Variants in ARNT2 observed in about 807,000 individuals in gnomAD.
ARNT2 encodes ARNT protein 2.
In ARNT2, 36 loss-of-function variants were observed where a neutral mutation model predicts 91.7. The ratio of observed to expected loss-of-function variants is 0.39; its 90% confidence interval spans 0.30 to 0.52. ARNT2 has a LOEUF of 0.52. Among genes scored for constraint, ARNT2 ranks in the 20% least tolerant of loss-of-function variants. The probability of loss-of-function intolerance (pLI) is 0.72; values close to 1 mark genes in which losing one functional copy is unlikely to be tolerated. For missense variants in ARNT2, 775 were observed against 939.3 expected, an observed-to-expected ratio of 0.83 and a Z score of 2.29; for synonymous variants, 365 against 347.1, an observed-to-expected ratio of 1.05 and a Z score of -0.57.
intron 7 of ARNT2, 39 bp from the exon 8 acceptor site, chr15:80,514,281 T>C (rs1469143688): frequency 1.1e-5 from 17 of 1,602,734 alleles, no homozygotes; most frequent in Non-Finnish European, 1.2e-5. Flanking sequence ...TGCCTCACCC[T>C]CATGTGATGA....
At chr15:80,503,782 A>G (rs1210359853) in intron 5 of ARNT2, among the ~76,000 whole-genome samples, 55 of 152,242 alleles carry the variant, frequency 3.6e-4, no homozygotes, top group Non-Finnish European at 4.4e-5. Context: ...CAGCACACTG[A>G]GTCAAACCAT....
intron 2 of ARNT2, among the ~76,000 whole-genome samples, chr15:80,455,766 G>A (rs543720578): frequency 2.6e-4 from 40 of 152,246 alleles, no homozygotes; most frequent in African/African-American, 9.1e-4. Flanking sequence ...TTTTGCAGGA[G>A]TACTGACAAT....
intron 1 of ARNT2, among the ~76,000 whole-genome samples, chr15:80,416,630 G>T (rs111252343): frequency 1.0e-3 from 90 of 86,788 alleles, no homozygotes; most frequent in East Asian, 2.5e-3. Flanking sequence ...AGTTTTTTTT[G>T]TTTGTTTGTT....
chr15:80,499,880 G>C (rs1897167978), intron 5 of ARNT2, among the ~76,000 whole-genome samples: 1 of 152,162 alleles, frequency 6.6e-6, no homozygotes, highest in Non-Finnish European at 1.5e-5. Flanking sequence ...AAAGCATTGT[G>C]GTAGAGGAGG....
intron 8 of ARNT2, among the ~76,000 whole-genome samples, chr15:80,534,835 A>AT (rs1490818788): frequency 2.6e-4 from 40 of 152,288 alleles, no homozygotes; most frequent in Non-Finnish European, 5.0e-4. Context: ...GGAATGATAC[A>AT]TTTAAGTTTT....
chr15:80,432,285 C>G (rs954309193), intron 1 of ARNT2, among the ~76,000 whole-genome samples: 3 of 152,208 alleles, frequency 2.0e-5, no homozygotes, highest in East Asian at 3.9e-4. Flanking sequence ...TTTCTCGCCT[C>G]TTCTTGAATT....
At position 80,576,785 on chromosome 15, in the gene ARNT2, G is replaced by A. The variant is rs528573857; in HGVS notation, c.1514-81G>A. The A allele has an allele frequency of 3.0e-4, 444 of 1,468,692 alleles. 2 individuals are homozygous for A. In the African/African-American group the frequency reaches 5.4e-3, roughly 18 times the overall value. 91.0% of individuals were successfully genotyped at this position (1,468,692 alleles called of 1,614,324 possible). A position where few individuals can be genotyped will look rare whatever the true frequency, so the allele number is the denominator to read the frequency against. On this transcript the variant is annotated intron_variant, in intron 14 of 18. Transcript: ENST00000303329. ...TCCTCCCGTTCCCACGCCCACCCCT[G>A]CACCTCTTCTTGGGGCAGCCTCCTC...
Position 80,581,292 on chromosome 15 carries a change from G to C in ARNT2, c.1806G>C (p.Thr602=), listed in dbSNP as rs139431567. Residue 602 remains threonine (T), a synonymous_variant, in exon 17 of 19, where the codon ACG becomes ACC. Transcript: ENST00000303329. ...AGTCATCTCCCTTTGGGATTGGAAC[G>C]AGCCACACCTACCCGGCAGACCCCT... ...KTQSSPFGIG[T]SHTYPADPSS... 3.0e-5 allele frequency: 48 copies of C among 1,614,030 alleles called. No individual in the cohort carries two copies. In the South Asian group the frequency reaches 3.8e-4, roughly 13 times the overall value.
Position 80,463,212 on chromosome 15 carries a change from C to CT in ARNT2, c.194+5243dup, listed in dbSNP as rs796538996. Among the ~76,000 whole-genome samples the CT allele has an allele frequency of 7.9e-5, 12 of 152,272 alleles. No individual in the cohort carries two copies. In the South Asian group the frequency reaches 1.0e-3, roughly 13 times the overall value. ...GACCAGGCAGCAGCAAGGAGTGCCC[C>CT]TTTTTTTATCTGGCCTCATCTTATC... On this transcript the variant is annotated intron_variant, in intron 3 of 18. Coordinates refer to ENST00000303329, the MANE Select transcript of ARNT2 (RefSeq NM_014862.4).
At chr15:80,494,966 G>A (rs1049111573) in intron 5 of ARNT2, among the ~76,000 whole-genome samples, 2 of 152,160 alleles carry the variant, frequency 1.3e-5, no homozygotes, top group Admixed American at 1.3e-4. Flanking sequence ...GTACAGTAGA[G>A]GGACAAAGGG....
chr15:80,574,873 C>A, intron 13 of ARNT2, 114 bp from the exon 14 acceptor site: 1 of 1,310,834 alleles, frequency 7.6e-7, no homozygotes, highest in Non-Finnish European at 1.0e-6. Context: ...GCCCAAAATG[C>A]CAGTGATTCC....
In ARNT2 at chr15:80,513,955, C is replaced by A. The variant is rs1362016676; in HGVS notation, c.770C>A (p.Thr257Asn). The A allele has an allele frequency of 8.7e-6, 14 of 1,613,436 alleles. No homozygotes were observed. Among genetic ancestry groups the A allele is most frequent in the Non-Finnish European group, 1.2e-5 (14 of 1,179,542 alleles). The change falls in exon 7 of 19, where the codon ACC (threonine) becomes AAC (asparagine). Residue 257 changes from threonine to asparagine, a missense_variant. Thr to Asn is a moderately conservative substitution (Grantham distance 65). Around this residue, in one of 5 missense-constraint regions of ARNT2, gnomAD observed 285 missense variants for 327.2 expected, o/e 0.87. Transcript: ENST00000303329. ...PLDHLPLNRI[T>N]TMRKRFRNGL... ...GACCACCTTCCTCTAAACAGAATAA[C>A]CACCATGAGGAAAAGGTTCAGGTCA...
intron 6 of ARNT2, among the ~76,000 whole-genome samples, chr15:80,510,623 G>A (rs571024842): frequency 6.6e-6 from 1 of 151,602 alleles, no homozygotes; most frequent in South Asian, 2.1e-4. Flanking sequence ...GAGGTCAAGA[G>A]ATCAAGACTA....
At chr15:80,529,955 T>A (rs1036595913) in intron 8 of ARNT2, among the ~76,000 whole-genome samples, 2 of 152,258 alleles carry the variant, frequency 1.3e-5, no homozygotes, top group African/African-American at 4.8e-5. Flanking sequence ...AAATATTATG[T>A]CCTCTTATGT....
intron 12 of ARNT2, among the ~76,000 whole-genome samples, chr15:80,568,109 T>C (rs1481312178): frequency 2.0e-5 from 3 of 152,216 alleles, no homozygotes; most frequent in Non-Finnish European, 4.4e-5. Flanking sequence ...AAGACCTCTT[T>C]ATCATCCTTG....
intron 1 of ARNT2, among the ~76,000 whole-genome samples, chr15:80,445,314 G>A (rs1896279974): frequency 6.7e-6 from 1 of 149,486 alleles, no homozygotes; most frequent in African/African-American, 2.5e-5. Flanking sequence ...CGAGAGTGGT[G>A]TGGGGGTGTG....
intron 4 of ARNT2, 51 bp from the exon 5 acceptor site, chr15:80,474,959 T>A (rs1156589584): frequency 6.4e-7 from 1 of 1,569,234 alleles, no homozygotes; most frequent in Non-Finnish European, 8.7e-7. Flanking sequence ...GAAAGTTGAA[T>A]CATCCTGGGT....
chr15:80,415,560 A>G (rs1320891149), intron 1 of ARNT2, among the ~76,000 whole-genome samples: 1 of 152,192 alleles, frequency 6.6e-6, no homozygotes, highest in Non-Finnish European at 1.5e-5. Context: ...AATGAAGGAC[A>G]TTCTTATTGG....
rs143904217 is a variant in ARNT2, at chr15:80,456,349, A to C, written c.147-1580A>C. Among the ~76,000 whole-genome samples the C allele has an allele frequency of 8.8e-4, 134 of 151,716 alleles. 5 individuals carry two copies. The East Asian group carries it at 0.025, about 28-fold the overall frequency. On this transcript the variant is annotated intron_variant, in intron 2 of 18. Coordinates refer to ENST00000303329, the MANE Select transcript of ARNT2 (RefSeq NM_014862.4). ...GTGCGTAGGTATTTCTGTTATCATT[A>C]CTGTCATCTTTTCCAGTTATGTAAC...
Sources: allele counts gnomAD v4.1 joint callset (sites outside exome capture counted in the v4.1 genomes callset), GRCh38; gene constraint gnomAD v4.1.1; regional missense constraint gnomAD v4.1.1; transcripts MANE v1.5; gene names NCBI Gene and HGNC (gene_info 2026-07-23, HGNC 2026-07-21).